The following PRR16 variants were observed in gnomAD, a reference collection of about 807,000 sequenced individuals.
PRR16 encodes the protein protein Largen.
In PRR16, 6 loss-of-function variants were observed where a neutral mutation model predicts 18.2. The observed-to-expected ratio is 0.33, with a 90% CI of 0.18 to 0.65. The LOEUF is 0.65. Among genes scored for constraint, PRR16 ranks in the 30% least tolerant of loss-of-function variants. The probability of loss-of-function intolerance (pLI) is 0.74; values close to 1 mark genes in which losing one functional copy is unlikely to be tolerated. For missense variants in PRR16, 412 were observed against 376.6 expected (o/e 1.09, Z -0.78); for synonymous variants, 151 against 147.8 (o/e 1.02, Z -0.16).
At chr5:120,558,104 G>A (rs1752472668) in intron 1 of PRR16, among the ~76,000 whole-genome samples, 1 of 151,778 alleles carries the variant, frequency 6.6e-6, no homozygotes, top group South Asian at 2.1e-4. Flanking sequence ...GGAAAATGGG[G>A]TATCCATCTC....
chr5:120,558,445 C>G (rs547108359), intron 1 of PRR16, among the ~76,000 whole-genome samples: 1 of 151,980 alleles, frequency 6.6e-6, no homozygotes, highest in South Asian at 2.1e-4. Flanking sequence ...AAAATGACTT[C>G]CAGCTCCATC....
intron 1 of PRR16, among the ~76,000 whole-genome samples, chr5:120,659,316 T>C (rs962080224): frequency 2.0e-5 from 3 of 152,042 alleles, no homozygotes; most frequent in Non-Finnish European, 4.4e-5. Context: ...CTGTGTTTTC[T>C]TGGTTCCTTG....
the PRR16 span, among the ~76,000 whole-genome samples, chr5:120,791,200 A>G: frequency 2.0e-5 from 3 of 152,224 alleles, no homozygotes; most frequent in South Asian, 6.2e-4. Flanking sequence ...GGTTTTCATT[A>G]CCAAGAAAAC....
the PRR16 span, among the ~76,000 whole-genome samples, chr5:120,728,584 A>T: frequency 6.6e-6 from 1 of 152,148 alleles, no homozygotes; most frequent in Admixed American, 6.6e-5. Context: ...ATCAAATATG[A>T]ACTTGAGCTT....
intron 1 of PRR16, among the ~76,000 whole-genome samples, chr5:120,484,929 A>G (rs1399361245): frequency 1.3e-5 from 2 of 151,706 alleles, no homozygotes; most frequent in Non-Finnish European, 2.9e-5. Flanking sequence ...TATCATTTAA[A>G]TATAATTCTG....
chr5:120,488,172 T>G (rs981930264), intron 1 of PRR16, among the ~76,000 whole-genome samples: 54 of 152,344 alleles, frequency 3.5e-4, no homozygotes, highest in African/African-American at 1.3e-3. Context: ...TAAAATGAGT[T>G]AGGGAGGTTT....
intron 1 of PRR16, among the ~76,000 whole-genome samples, chr5:120,652,765 T>G (rs181769590): frequency 6.6e-6 from 1 of 152,066 alleles, no homozygotes; most frequent in African/African-American, 2.4e-5. Context: ...GGACATTAGG[T>G]GAAGACTGAG....
chr5:120,683,938 A>G (rs948965756), intron 1 of PRR16, among the ~76,000 whole-genome samples: 5 of 151,858 alleles, frequency 3.3e-5, no homozygotes, highest in African/African-American at 1.2e-4. Flanking sequence ...AAAAAAAACC[A>G]AAAAAGTCAT....
intron 1 of PRR16, among the ~76,000 whole-genome samples, chr5:120,654,059 T>G (rs987954829): frequency 5.3e-5 from 8 of 152,042 alleles, no homozygotes; most frequent in African/African-American, 1.9e-4. Flanking sequence ...TTGTAACTAG[T>G]AGATGTGACA....
At chr5:120,586,132 C>G (rs530594929) in intron 1 of PRR16, among the ~76,000 whole-genome samples, 2 of 150,716 alleles carry the variant, frequency 1.3e-5, no homozygotes, top group Non-Finnish European at 1.5e-5. Flanking sequence ...GAGATTGTGC[C>G]ACTGCACTCC....
intron 1 of PRR16, among the ~76,000 whole-genome samples, chr5:120,566,995 C>T (rs375631072): frequency 6.6e-6 from 1 of 151,986 alleles, no homozygotes; most frequent in African/African-American, 2.4e-5. Flanking sequence ...CTAAGGCATA[C>T]CCAGTTCCTG....
At chr5:120,510,392 G>A (rs964331262) in intron 1 of PRR16, among the ~76,000 whole-genome samples, 4 of 152,210 alleles carry the variant, frequency 2.6e-5, no homozygotes, top group African/African-American at 7.2e-5. Flanking sequence ...TGTCTTGACA[G>A]TTGAAACTGC....
At chr5:120,676,989 GT>G (rs1756819315) in intron 1 of PRR16, among the ~76,000 whole-genome samples, 1 of 152,100 alleles carries the variant, frequency 6.6e-6, no homozygotes, top group Non-Finnish European at 1.5e-5. Flanking sequence ...TAATTTAAAT[GT>G]TTCCATTTAT....
chr5:120,667,912 GA>G (rs543728064), intron 1 of PRR16, among the ~76,000 whole-genome samples: 1 of 152,148 alleles, frequency 6.6e-6, no homozygotes, highest in Middle Eastern at 3.4e-3. Context: ...GTGTGGTGCT[GA>G]AAAAAATGTA....
At chr5:120,633,555 A>G (rs186003228) in intron 1 of PRR16, among the ~76,000 whole-genome samples, 4 of 152,336 alleles carry the variant, frequency 2.6e-5, no homozygotes, top group Admixed American at 2.0e-4. Context: ...GGACACTGAA[A>G]GTGAATAGGA....
intron 1 of PRR16, among the ~76,000 whole-genome samples, chr5:120,646,644 A>G (rs564486982): frequency 4.6e-5 from 7 of 152,162 alleles, no homozygotes; most frequent in Non-Finnish European, 7.4e-5. Flanking sequence ...AAGAAAATCT[A>G]GGCAATGATA....
intron 1 of PRR16, among the ~76,000 whole-genome samples, chr5:120,494,953 G>A (rs1162999659): frequency 6.6e-6 from 1 of 152,032 alleles, no homozygotes; most frequent in Non-Finnish European, 1.5e-5. Context: ...CTGTGTGTCT[G>A]TCCTTCTGCT....
the PRR16 span, among the ~76,000 whole-genome samples, chr5:120,793,264 A>G: frequency 6.6e-6 from 1 of 152,116 alleles, no homozygotes; most frequent in Non-Finnish European, 1.5e-5. Flanking sequence ...GAATGTGGTT[A>G]TGTGCTGAAT....
chr5:120,645,090 C>A (rs953156996), intron 1 of PRR16, among the ~76,000 whole-genome samples: 7 of 152,010 alleles, frequency 4.6e-5, no homozygotes, highest in Non-Finnish European at 7.4e-5. Context: ...CTTTTTAATT[C>A]TCTTTTAAAA....
Sources: allele counts gnomAD v4.1 joint callset (sites outside exome capture counted in the v4.1 genomes callset), GRCh38; gene constraint gnomAD v4.1.1; transcripts MANE v1.5; gene names NCBI Gene and HGNC (gene_info 2026-07-23, HGNC 2026-07-21).